The following GRIK3 variants were observed in gnomAD, a reference collection of about 807,000 sequenced individuals.
The protein encoded by GRIK3 is glutamate ionotropic receptor kainate type subunit 3, also known as glutamate receptor ionotropic, kainate 3.
Under a neutral mutation model 102.5 loss-of-function variants are expected in GRIK3, and 29 were observed. The observed-to-expected ratio is 0.28, with a 90% CI of 0.21 to 0.39. The LOEUF (loss-of-function observed/expected upper bound fraction) is 0.39, where lower values mean the gene tolerates loss of function less well. GRIK3 is among the 10% of genes least tolerant of loss of function. The pLI, the probability that GRIK3 is intolerant of heterozygous loss-of-function variation, is 1.00. For synonymous variants in GRIK3, 511 were observed against 504.9 expected (o/e 1.01, Z -0.16); for missense variants, 908 against 1,252.4 (o/e 0.73, Z 4.15).
chr1:36,834,761 T>G (rs1475946799), intron 10 of GRIK3, among the ~76,000 whole-genome samples: 2 of 152,152 alleles, frequency 1.3e-5, no homozygotes, highest in Admixed American at 1.3e-4. Flanking sequence ...CCCCTGCATG[T>G]CCACAAGGGT....
chr1:36,934,508 C>A (rs755843544), intron 1 of GRIK3, among the ~76,000 whole-genome samples: 1 of 152,248 alleles, frequency 6.6e-6, no homozygotes, highest in Non-Finnish European at 1.5e-5. Flanking sequence ...CTCATCCACT[C>A]TTCTCAGCCA....
At chr1:36,808,421 G>A (rs1219652784) in intron 13 of GRIK3, among the ~76,000 whole-genome samples, 1 of 152,170 alleles carries the variant, frequency 6.6e-6, no homozygotes, top group Non-Finnish European at 1.5e-5. Context: ...CCAAAATTAG[G>A]TTACAAGAGA....
At chr1:36,944,239 G>T (rs1641758207) in intron 1 of GRIK3, among the ~76,000 whole-genome samples, 1 of 152,198 alleles carries the variant, frequency 6.6e-6, no homozygotes, top group South Asian at 2.1e-4. Context: ...CTTTCCCAGG[G>T]CTTCCTCTGC....
At chr1:36,888,741 C>T (rs1230675788) in intron 2 of GRIK3, among the ~76,000 whole-genome samples, 2 of 151,992 alleles carry the variant, frequency 1.3e-5, no homozygotes, top group African/African-American at 4.8e-5. Context: ...CACCTTCTGC[C>T]TTATCCCACT....
intron 5 of GRIK3, among the ~76,000 whole-genome samples, chr1:36,867,680 T>C (rs1457513942): frequency 6.6e-6 from 1 of 151,968 alleles, no homozygotes; most frequent in Admixed American, 6.6e-5. Context: ...CAGAAAGCCT[T>C]GGGACATTGG....
intron 1 of GRIK3, among the ~76,000 whole-genome samples, chr1:37,009,595 GGTGTGTGTGTATGT>G (rs1035480282): frequency 2.0e-5 from 3 of 152,170 alleles, no homozygotes; most frequent in Non-Finnish European, 4.4e-5. Context: ...TGGCTGGAGG[GGTGTGTGTGTATGT>G]GTGTGTGTGG....
At chr1:36,960,185 G>C (rs1256463301) in intron 1 of GRIK3, among the ~76,000 whole-genome samples, 3 of 136,408 alleles carry the variant, frequency 2.2e-5, no homozygotes, top group African/African-American at 8.3e-5. Context: ...CTGTGAGTCT[G>C]TGCCCCCGAG....
intron 1 of GRIK3, among the ~76,000 whole-genome samples, chr1:36,910,468 C>T (rs184856360): frequency 6.6e-6 from 1 of 152,234 alleles, no homozygotes; most frequent in African/African-American, 2.4e-5. Context: ...AAGATCCAGG[C>T]TCTGCTCTCT....
At chr1:36,934,010 G>T (rs1470752032) in intron 1 of GRIK3, among the ~76,000 whole-genome samples, 2 of 152,204 alleles carry the variant, frequency 1.3e-5, no homozygotes, top group African/African-American at 2.4e-5. Flanking sequence ...AGTGGGCAGG[G>T]ATACTGTGTC....
intron 1 of GRIK3, among the ~76,000 whole-genome samples, chr1:37,014,889 TTCTC>T (rs1393299888): frequency 6.8e-5 from 10 of 146,994 alleles, no homozygotes; most frequent in East Asian, 2.1e-4. Flanking sequence ...ATCTATTCTC[TTCTC>T]TCTCTCTATC....
chr1:36,816,172 G>A (rs1004322400), intron 13 of GRIK3, among the ~76,000 whole-genome samples: 1 of 152,138 alleles, frequency 6.6e-6, no homozygotes, highest in Non-Finnish European at 1.5e-5. Flanking sequence ...CCTCCAGCTG[G>A]GCATCCCTGG....
intron 1 of GRIK3, among the ~76,000 whole-genome samples, chr1:36,930,098 C>T (rs769441321): frequency 1.3e-5 from 2 of 152,194 alleles, no homozygotes; most frequent in Non-Finnish European, 1.5e-5. Flanking sequence ...TGGCATTAGG[C>T]GTCACAGCCT....
chr1:37,015,494 C>G (rs569831484), intron 1 of GRIK3, among the ~76,000 whole-genome samples: 5 of 152,334 alleles, frequency 3.3e-5, no homozygotes, highest in Admixed American at 3.3e-4. Context: ...GTGGGATTTA[C>G]AGACACTGTT....
intron 2 of GRIK3, among the ~76,000 whole-genome samples, chr1:36,882,254 A>T (rs959296114): frequency 2.6e-5 from 4 of 152,206 alleles, no homozygotes; most frequent in African/African-American, 9.6e-5. Flanking sequence ...ATGAATGCCG[A>T]ATCCCTGCCT....
rs1640578474 is a variant in GRIK3, at chr1:36,850,985, G to A, written c.1213-561C>T. 6.6e-6 allele frequency among the ~76,000 whole-genome samples: 1 copy of A among 152,188 alleles called. No homozygotes were observed. Among genetic ancestry groups the A allele is most frequent in the Non-Finnish European group, 1.5e-5 (1 of 68,032 alleles). ...CTCTACAGCGTCCTTGTGGATATCG[G>A]GCCTGAGGCTAGAGGTAGAGAAGGA... is the stretch of plus-strand genomic sequence containing the variant. On this transcript the variant is annotated intron_variant, in intron 8 of 15. Transcript: ENST00000373091. This position sits in a 1 kb window ranked among gnomAD's most constrained non-coding sequence, Gnocchi z 4.0.
intron 10 of GRIK3, among the ~76,000 whole-genome samples, chr1:36,826,459 G>C (rs1434920653): frequency 6.6e-6 from 1 of 152,152 alleles, no homozygotes; most frequent in African/African-American, 2.4e-5. Context: ...TTTGAGCCCA[G>C]GGGTTTGAGA....
At chr1:37,003,499 T>C (rs1642500414) in intron 1 of GRIK3, among the ~76,000 whole-genome samples, 1 of 152,194 alleles carries the variant, frequency 6.6e-6, no homozygotes, top group South Asian at 2.1e-4. Context: ...TGAAGATGTC[T>C]GAGCTTCTGG....
chr1:36,810,409 T>C (rs950057194), intron 13 of GRIK3, among the ~76,000 whole-genome samples: 8 of 152,230 alleles, frequency 5.3e-5, no homozygotes, highest in Non-Finnish European at 1.2e-4. Context: ...TACACGGCGG[T>C]GTGCCAGGAC....
At chr1:36,814,133 T>A (rs1477196637) in intron 13 of GRIK3, among the ~76,000 whole-genome samples, 1 of 152,130 alleles carries the variant, frequency 6.6e-6, no homozygotes, top group Non-Finnish European at 1.5e-5. Context: ...GAGGAGGCTG[T>A]GGGAGGTGCT....
Sources: gnomAD v4.1 joint callset for allele counts (sites outside exome capture counted in the v4.1 genomes callset) on GRCh38, gnomAD v4.1.1 for gene constraint, Gnocchi (gnomAD v3.1) non-coding constraint, MANE v1.5 for transcripts, NCBI Gene and HGNC (gene_info 2026-07-23, HGNC 2026-07-21) for gene names.